The following SORCS1 variants were observed in gnomAD, a reference collection of about 807,000 sequenced individuals.
The protein encoded by SORCS1 is VPS10 domain-containing receptor SorCS1.
A neutral mutation model predicts 146.1 loss-of-function variants in SORCS1; 60 were observed. The ratio of observed to expected loss-of-function variants is 0.41; its 90% CI spans 0.33 to 0.51. SORCS1 has a LOEUF of 0.51. SORCS1 is among the 20% of genes least tolerant of loss of function. The pLI, the probability that SORCS1 is intolerant of heterozygous loss-of-function variation, is 0.21. For missense variants in SORCS1, 1,352 were observed against 1,487.6 expected (o/e 0.91, Z 1.50); for synonymous variants, 637 against 584.0 (o/e 1.09, Z -1.31).
chr10:106,665,345 C>G (rs1202339113), intron 17 of SORCS1, among the ~76,000 whole-genome samples: 3 of 150,146 alleles, frequency 2.0e-5, no homozygotes, highest in Non-Finnish European at 4.4e-5. Context: ...TATCTCCTTA[C>G]TTCTCCTTTC....
chr10:106,878,020 T>C (rs780292915), intron 2 of SORCS1, among the ~76,000 whole-genome samples: 3 of 152,174 alleles, frequency 2.0e-5, no homozygotes, highest in Non-Finnish European at 2.9e-5. Context: ...CAAGAGTGAA[T>C]TGAATATTGC....
At chr10:106,621,138 T>C (rs1190478563) in intron 19 of SORCS1, among the ~76,000 whole-genome samples, 1 of 152,182 alleles carries the variant, frequency 6.6e-6, no homozygotes, top group Non-Finnish European at 1.5e-5. Flanking sequence ...CAGAGGTGTG[T>C]GTGTAAGTAG....
intron 6 of SORCS1, among the ~76,000 whole-genome samples, chr10:106,718,847 G>A (rs1855575091): frequency 6.6e-6 from 1 of 152,144 alleles, no homozygotes; most frequent in South Asian, 2.1e-4. Flanking sequence ...GCTAGACACA[G>A]ACCGCTGATG....
intron 10 of SORCS1, among the ~76,000 whole-genome samples, chr10:106,683,055 T>C (rs1259285080): frequency 6.6e-6 from 1 of 152,202 alleles, no homozygotes; most frequent in African/African-American, 2.4e-5. Flanking sequence ...GGGGATCTGA[T>C]GCAAATGAAA....
At chr10:106,709,136 C>T in intron 7 of SORCS1, 87 bp downstream of exon 7, 1 of 998,528 alleles carries the variant, frequency 1.0e-6, no homozygotes. Flanking sequence ...CTTTTTGACT[C>T]TTAATGGAGT....
chr10:106,878,646 A>ATATATATATATATATATATTTATT (rs1200849744), intron 2 of SORCS1, among the ~76,000 whole-genome samples: 7 of 117,884 alleles, frequency 5.9e-5, no homozygotes, highest in South Asian at 2.7e-4. Context: ...ATATATATAT[A>ATATATATATATATATATATTTATT]TATTTTATAG....
chr10:107,141,066 G>A lies in SORCS1; in HGVS notation c.558+22903C>T, dbSNP rs78128434. Among the ~76,000 whole-genome samples, 537 of 152,300 alleles carry A rather than the reference G, an allele frequency of 3.5e-3. 5 individuals are homozygous for A. Among genetic ancestry groups the A allele is most frequent in the African/African-American group, 0.012 (489 of 41,550 alleles). On this transcript the variant is annotated intron_variant, in intron 1 of 25. Coordinates refer to ENST00000263054, the MANE Select transcript of SORCS1 (RefSeq NM_052918.5). ...TCTACAGTCCTCAGATTTCTCATCT[G>A]TAAAATGAGGACACTGGAGAAGATG...
At chr10:106,782,498 C>A (rs1007900772) in intron 3 of SORCS1, among the ~76,000 whole-genome samples, 1 of 152,156 alleles carries the variant, frequency 6.6e-6, no homozygotes, top group Non-Finnish European at 1.5e-5. Context: ...GGAGACCCAA[C>A]CCATTAATTA....
chr10:106,882,181 C>T (rs1034654588), intron 2 of SORCS1, among the ~76,000 whole-genome samples: 2 of 152,038 alleles, frequency 1.3e-5, no homozygotes, highest in African/African-American at 4.8e-5. Flanking sequence ...CCAGAGGTAT[C>T]CAATCTTTTG....
In SORCS1 at chr10:106,860,819, C is replaced by T. The variant is rs887114107; in HGVS notation, c.627-31146G>A. Among the ~76,000 whole-genome samples the T allele has an allele frequency of 2.6e-5, 4 of 152,098 alleles. No homozygotes were observed. The South Asian group carries it at 6.2e-4, about 24-fold the overall frequency. ...GAACCACTGCTGTTTGTAATATTGG[C>T]GAGTTGTCATCCTAAATTCAATTTT... On this transcript the variant is annotated intron_variant, in intron 2 of 25. Coordinates refer to ENST00000263054, the MANE Select transcript of SORCS1 (RefSeq NM_052918.5).
intron 2 of SORCS1, among the ~76,000 whole-genome samples, chr10:106,863,836 A>T (rs1950121122): frequency 1.3e-5 from 2 of 151,906 alleles, no homozygotes; most frequent in Admixed American, 6.6e-5. Flanking sequence ...AAAGCAAAGT[A>T]ATACAGGAAA....
chr10:106,868,399 T>C (rs1950295917), intron 2 of SORCS1, among the ~76,000 whole-genome samples: 1 of 152,188 alleles, frequency 6.6e-6, no homozygotes, highest in Non-Finnish European at 1.5e-5. Context: ...TATACATTCT[T>C]CTCATCGTCA....
intron 4 of SORCS1, among the ~76,000 whole-genome samples, chr10:106,773,142 G>T (rs1433097561): frequency 6.6e-6 from 1 of 152,236 alleles, no homozygotes; most frequent in African/African-American, 2.4e-5. Flanking sequence ...ATCCAGCAGA[G>T]ATAATACTAA....
chr10:106,764,857 A>G (rs1460705285), intron 4 of SORCS1, among the ~76,000 whole-genome samples: 2 of 152,122 alleles, frequency 1.3e-5, no homozygotes, highest in East Asian at 3.9e-4. Flanking sequence ...CTCCGTCTCT[A>G]CTAAAAATAC....
chr10:107,168,170 T>C (rs1489448798), upstream of SORCS1, among the ~76,000 whole-genome samples: 2 of 152,136 alleles, frequency 1.3e-5, no homozygotes, highest in African/African-American at 4.8e-5. Flanking sequence ...TTTTTCCAAT[T>C]CGTGACCTTT....
intron 2 of SORCS1, among the ~76,000 whole-genome samples, chr10:106,879,668 GA>G (rs1950738297): frequency 6.6e-6 from 1 of 152,200 alleles, no homozygotes; most frequent in Admixed American, 6.5e-5. Context: ...GTGTGAGAAG[GA>G]CAGCCCCTGC....
chr10:106,655,521 T>A (rs999248103), intron 17 of SORCS1, among the ~76,000 whole-genome samples: 2 of 152,186 alleles, frequency 1.3e-5, no homozygotes, highest in African/African-American at 4.8e-5. Context: ...CATCATCAGC[T>A]AGAGAATATT....
At chr10:106,881,879 C>T (rs1950815554) in intron 2 of SORCS1, among the ~76,000 whole-genome samples, 1 of 152,134 alleles carries the variant, frequency 6.6e-6, no homozygotes, top group South Asian at 2.1e-4. Context: ...TATTGTATGC[C>T]ATAGGCCCTG....
intron 2 of SORCS1, among the ~76,000 whole-genome samples, chr10:106,923,720 T>C (rs1163111570): frequency 6.6e-6 from 1 of 152,230 alleles, no homozygotes; most frequent in African/African-American, 2.4e-5. Context: ...GTGTTGAACA[T>C]CTTTCCCCAT....
Sources: gnomAD v4.1 joint callset for allele counts (sites outside exome capture counted in the v4.1 genomes callset) on GRCh38, gnomAD v4.1.1 for gene constraint, MANE v1.5 for transcripts, NCBI Gene and HGNC (gene_info 2026-07-23, HGNC 2026-07-21) for gene names.